Variants in LYST observed in about 807,000 individuals in gnomAD.
LYST encodes lysosomal trafficking regulator, also known as lysosomal-trafficking regulator.
A neutral mutation model predicts 413.6 loss-of-function variants in LYST; 192 were observed. The ratio of observed to expected loss-of-function variants is 0.46; its 90% confidence interval spans 0.41 to 0.52. LYST has a LOEUF of 0.52. LYST is among the 20% of genes least tolerant of loss of function. The pLI is 0.00. For synonymous variants in LYST, 1,525 were observed against 1,567.3 expected, an observed-to-expected ratio of 0.97 and a Z score of 0.64; for missense variants, 3,815 against 4,499.9, an observed-to-expected ratio of 0.85 and a Z score of 4.35.
intron 28 of LYST, among the ~76,000 whole-genome samples, chr1:235,749,935 A>T (rs1666317964): frequency 6.6e-6 from 1 of 152,210 alleles, no homozygotes; most frequent in East Asian, 1.9e-4. Context: ...GCACAAGGTG[A>T]TAATTAACTA....
intron 42 of LYST, chr1:235,712,606 A>G (rs1662483300): frequency 3.0e-6 from 3 of 984,626 alleles, no homozygotes; most frequent in Non-Finnish European, 3.6e-6. Context: ...GTAGGCAAAC[A>G]GTTTTTTCCC....
Position 235,787,379 on chromosome 1 carries a change from G to GA in LYST, c.4689-7dup. 1.2e-6 allele frequency: 2 copies of GA among 1,612,684 alleles called. No homozygotes were observed. Among genetic ancestry groups the GA allele is most frequent in the Non-Finnish European group, 1.7e-6 (2 of 1,178,990 alleles). ...CATTTGAATCCATGCACACACTACAGAAAAAGAGAAAAGGCATAGGCTGAA... is the reference window on the plus strand; with the variant it reads ...CATTTGAATCCATGCACACACTACAGAAAAAAGAGAAAAGGCATAGGCTGAA... On this transcript the variant is annotated splice_region_variant and splice_polypyrimidine_tract_variant and intron_variant, in intron 13 of 52. Transcript: ENST00000389793.
chr1:235,733,851 G>C lies in LYST; in HGVS notation c.8591C>G (p.Thr2864Arg). 1 of 1,603,542 alleles carries C rather than the reference G, an allele frequency of 6.2e-7. No individual in the cohort carries two copies. The highest frequency in any genetic ancestry group is 8.5e-7 in the Non-Finnish European group (1 of 1,170,710). ...TTACCTTTGTTGATTATTGTTAACT[G>C]TTTTCTGCCAAGCAGCTTTATTCAC... Reference protein sequence around the residue: ...EGVNKAAWQKTVNNNQQSLFQ... With the variant: ...EGVNKAAWQKRVNNNQQSLFQ... The change falls in exon 33 of 53, where the codon ACA (threonine) becomes AGA (arginine). Residue 2864 changes from threonine to arginine, a missense_variant. By Grantham distance (71) the Thr-to-Arg change is moderately conservative. Around this residue, in one of 4 missense-constraint regions of LYST, gnomAD observed 866 missense variants for 1,156.0 expected, o/e 0.75. Coordinates refer to ENST00000389793, the MANE Select transcript of LYST (RefSeq NM_000081.4).
Position 235,810,070 on chromosome 1 carries a change from T to G in LYST, c.748A>C (p.Met250Leu). 1.2e-6 allele frequency: 2 copies of G among 1,614,078 alleles called. No homozygotes were observed. Among genetic ancestry groups the G allele is most frequent in the Non-Finnish European group, 8.5e-7 (1 of 1,179,944 alleles). Residue 250 changes from methionine (M) to leucine (L), a missense_variant, in exon 5 of 53, where the codon ATG (methionine) becomes CTG (leucine). Coordinates refer to ENST00000389793, the MANE Select transcript of LYST (RefSeq NM_000081.4). ...EPAALSVISN[M>L]NNSPFDLCHV... Reference sequence around the variant, plus strand: ...CATAAGTCAAATGGAGAATTGTTCATGTTACTGATAACAGACAAGGCAGCT... The same window carrying G: ...CATAAGTCAAATGGAGAATTGTTCAGGTTACTGATAACAGACAAGGCAGCT...
In LYST at chr1:235,753,246, C is replaced by T. The variant is rs370070995; in HGVS notation, c.7258G>A (p.Gly2420Arg). The change falls in exon 26 of 53, where the codon GGA (glycine) becomes AGA (arginine). Residue 2420 changes from glycine (G) to arginine (R), a missense_variant. This residue lies in a region of LYST where 771 missense variants were observed against 837.1 expected (regional missense o/e 0.92). Transcript: ENST00000389793. ...ATGACAGACCACTTCTGAAACAATC[C>T]CATGTTTCTCACATCTTCCAGATCA... ...EFDLEDVRNM[G>R]LFQKWSVIPI... The T allele has an allele frequency of 8.5e-5, 137 of 1,602,814 alleles. No homozygotes were observed. The highest frequency in any genetic ancestry group is 6.3e-4 in the Admixed American group (38 of 59,960).
At chr1:235,813,803 T>C (rs1461458728) in intron 3 of LYST, among the ~76,000 whole-genome samples, 2 of 152,164 alleles carry the variant, frequency 1.3e-5, no homozygotes, top group Non-Finnish European at 2.9e-5. Flanking sequence ...GCTAGAGAGC[T>C]AGACCTGGGA....
rs369009087 is a variant in LYST, at chr1:235,831,193, A to AC, written c.-7-770dup. ...ACATAGAGATGTTAAGTTAAATAAG[A>AC]CATGTATTGCCTCACCTCCCTTCAC... On this transcript the variant is annotated intron_variant, in intron 2 of 52. Transcript: ENST00000389793. 5.9e-3 allele frequency among the ~76,000 whole-genome samples: 902 copies of AC among 152,248 alleles called. 11 individuals carry two copies. Among genetic ancestry groups the AC allele is most frequent in the African/African-American group, 0.021 (877 of 41,510 alleles).
At chr1:235,875,505 T>C (rs2103235146) in intron 1 of LYST, among the ~76,000 whole-genome samples, 1 of 152,268 alleles carries the variant, frequency 6.6e-6, no homozygotes, top group Non-Finnish European at 1.5e-5. Context: ...GAGTCTGTTT[T>C]AATAAGGACC....
chr1:235,694,011 CTTTT>C (rs11389709), intron 46 of LYST, among the ~76,000 whole-genome samples: 1 of 135,614 alleles, frequency 7.4e-6, no homozygotes, highest in Non-Finnish European at 1.6e-5. Flanking sequence ...TCTTCTTCTT[CTTTT>C]TTTTTTTTTT....
chr1:235,780,569 C>G (rs554667201), intron 16 of LYST, among the ~76,000 whole-genome samples: 1 of 151,962 alleles, frequency 6.6e-6, no homozygotes, highest in Admixed American at 6.5e-5. Flanking sequence ...GTTATTTTCA[C>G]TGTATCATAA....
intron 44 of LYST, 112 bp from the exon 45 acceptor site, chr1:235,703,089 A>G: frequency 1.2e-6 from 1 of 820,610 alleles, no homozygotes; most frequent in Middle Eastern, 3.2e-4. Flanking sequence ...TATGGAAAAA[A>G]TGCTTTTGTT....
chr1:235,810,205 G>A lies in LYST; in HGVS notation c.613C>T (p.Leu205Phe). The A allele has an allele frequency of 1.2e-6, 2 of 1,614,118 alleles. No homozygotes were observed. The highest frequency in any genetic ancestry group is 1.7e-6 in the Non-Finnish European group (2 of 1,179,992). The change falls in exon 5 of 53, where the codon CTT becomes TTT. Residue 205 changes from leucine (L) to phenylalanine (F), a missense_variant. Leu to Phe is a conservative substitution (Grantham distance 22, BLOSUM62 0). Transcript: ENST00000389793. ...TGTTCTTTGGTTGCTAAGCGGTCAA[G>A]TTTAGCTTTGGGGTGGTCTTGTTTA... The part of the protein sequence containing the change: ...FPKQDHPKAK[L>F]DRLATKEQTP...
chr1:235,771,931 T>G (rs1262304009), intron 19 of LYST, among the ~76,000 whole-genome samples: 3 of 147,622 alleles, frequency 2.0e-5, no homozygotes, highest in Admixed American at 6.7e-5. Context: ...TTTTTTTTTT[T>G]TTTTTTTTTG....
chr1:235,833,011 AGATAT>A (rs1676162219), intron 2 of LYST, among the ~76,000 whole-genome samples: 1 of 152,100 alleles, frequency 6.6e-6, no homozygotes. Context: ...TGAATTTCCC[AGATAT>A]AATACTCTAT....
intron 1 of LYST, among the ~76,000 whole-genome samples, chr1:235,836,850 G>A (rs955235996): frequency 4.6e-5 from 7 of 152,202 alleles, no homozygotes; most frequent in Non-Finnish European, 7.3e-5. Context: ...AGCTATGTTA[G>A]GTGTGATAGG....
intron 40 of LYST, 136 bp downstream of exon 40, chr1:235,720,525 A>G: frequency 1.2e-6 from 1 of 833,920 alleles, no homozygotes; most frequent in Non-Finnish European, 1.9e-6. Flanking sequence ...TTGTTGAACC[A>G]GGGTGATAGG....
At chr1:235,737,906 G>A (rs1279318437) in intron 31 of LYST, 4 of 1,147,350 alleles carry the variant, frequency 3.5e-6, no homozygotes, top group East Asian at 4.5e-5. Flanking sequence ...TGCTGGAGCC[G>A]CTGCCGACGA....
chr1:235,709,335 T>C, intron 43 of LYST, 27 bp from the exon 44 acceptor site: 1 of 1,533,940 alleles, frequency 6.5e-7, no homozygotes, highest in Non-Finnish European at 8.9e-7. Flanking sequence ...ATATTAATAT[T>C]TAACTCCCCC....
At position 235,808,720 on chromosome 1, in the gene LYST, C is replaced by G; in HGVS notation, c.2098G>C (p.Val700Leu). 1 of 1,613,962 alleles carries G rather than the reference C, an allele frequency of 6.2e-7. No individual in the cohort carries two copies. The highest frequency in any genetic ancestry group is 1.7e-5 in the Admixed American group (1 of 59,972). Residue 700 changes from valine (V) to leucine (L), a missense_variant, in exon 5 of 53, where the codon GTT becomes CTT. Coordinates refer to ENST00000389793, the MANE Select transcript of LYST (RefSeq NM_000081.4). ...CTATGTAATCTGTCTTCTTCAAAAA[C>G]AAAGTTCTGATAAGCCTTTAAAGCA... ...WDALKAYQNF[V>L]FEEDRLHSIQ...
Sources: gnomAD v4.1 joint callset for allele counts (sites outside exome capture counted in the v4.1 genomes callset) on GRCh38, gnomAD v4.1.1 for gene constraint, gnomAD v4.1.1 regional missense constraint, MANE v1.5 for transcripts, NCBI Gene and HGNC (gene_info 2026-07-23, HGNC 2026-07-21) for gene names.